Variants in DLG2 observed in about 807,000 individuals in gnomAD.
DLG2 encodes the protein disks large homolog 2.
In DLG2, 45 loss-of-function variants were observed where a neutral mutation model predicts 132.5. The ratio of observed to expected loss-of-function variants is 0.34; its 90% CI spans 0.27 to 0.44. The LOEUF (loss-of-function observed/expected upper bound fraction) is 0.44, where lower values mean the gene tolerates loss of function less well. DLG2 is among the 20% of genes least tolerant of loss of function. The pLI, the probability that DLG2 is intolerant of heterozygous loss-of-function variation, is 1.00. For missense variants in DLG2, 1,045 were observed against 1,196.9 expected (o/e 0.87, Z 1.87); for synonymous variants, 424 against 419.6 (o/e 1.01, Z -0.13).
intron 15 of DLG2, among the ~76,000 whole-genome samples, chr11:83,905,291 T>C (rs1295728192): frequency 6.6e-6 from 1 of 152,124 alleles, no homozygotes; most frequent in African/African-American, 2.4e-5. Flanking sequence ...TACATATTAG[T>C]CCAACTGTTA....
chr11:83,906,081 C>A (rs200289709), intron 15 of DLG2, among the ~76,000 whole-genome samples: 4,579 of 96,080 alleles, frequency 0.048, 76 homozygotes, highest in East Asian at 0.065. Flanking sequence ...CTCTCTCTCT[C>A]TATATATATA....
At chr11:84,639,520 G>C (rs536618918) in intron 6 of DLG2, among the ~76,000 whole-genome samples, 1 of 152,250 alleles carries the variant, frequency 6.6e-6, no homozygotes, top group South Asian at 2.1e-4. Context: ...CTCAAGCCTT[G>C]TAAATTGTAT....
rs148905899 is a variant in DLG2 at position 85,364,993 on chromosome 11, C to G, written c.41-79628G>C. On this transcript the variant is annotated intron_variant, in intron 3 of 27. Coordinates refer to ENST00000376104, the MANE Select transcript of DLG2 (RefSeq NM_001142699.3). ...TTATAGACGGGGGCAAGAAAGAATG[C>G]CAGTCATACTTTAATCTGGGACCCT... Among the ~76,000 whole-genome samples, 39 of 151,988 alleles carry G rather than the reference C, an allele frequency of 2.6e-4. 1 individual carries two copies. The East Asian group carries it at 7.3e-3, about 29-fold the overall frequency.
At chr11:85,518,539 AG>A (rs2094214356) in intron 3 of DLG2, among the ~76,000 whole-genome samples, 1 of 152,204 alleles carries the variant, frequency 6.6e-6, no homozygotes, top group Non-Finnish European at 1.5e-5. Flanking sequence ...GTGCTATTAA[AG>A]GCATTCAATT....
Position 83,629,917 on chromosome 11 carries a change from A to G in DLG2, c.1940+3294T>C, listed in dbSNP as rs554122082. On this transcript the variant is annotated intron_variant, in intron 19 of 27. Transcript: ENST00000376104. The stretch of plus-strand genomic sequence containing the variant: ...CTTTATTTACTTTTAAATGAACTAC[A>G]TGTTTCACAATGCTTTACTGCTATA... 2.6e-5 allele frequency among the ~76,000 whole-genome samples: 4 copies of G among 152,332 alleles called. No homozygotes were observed. The East Asian group carries it at 7.7e-4, about 29-fold the overall frequency.
At chr11:84,616,623 C>T (rs920668054) in intron 6 of DLG2, among the ~76,000 whole-genome samples, 25 of 152,068 alleles carry the variant, frequency 1.6e-4, no homozygotes, top group Non-Finnish European at 3.1e-4. Context: ...ATATAGTTTA[C>T]TACTACTTGT....
At chr11:84,804,179 CTTAGG>C (rs1185615913) in intron 6 of DLG2, among the ~76,000 whole-genome samples, 3 of 152,162 alleles carry the variant, frequency 2.0e-5, no homozygotes, top group Non-Finnish European at 4.4e-5. Flanking sequence ...CATGCCTGCA[CTTAGG>C]ACAAGACTGG....
intron 17 of DLG2, among the ~76,000 whole-genome samples, chr11:83,789,388 G>A (rs946143007): frequency 2.0e-5 from 3 of 150,934 alleles, no homozygotes; most frequent in African/African-American, 7.3e-5. Flanking sequence ...GGCGGGAGGG[G>A]GGGCAGCATT....
chr11:84,271,608 C>T (rs1017177373), intron 7 of DLG2, among the ~76,000 whole-genome samples: 1 of 152,118 alleles, frequency 6.6e-6, no homozygotes, highest in South Asian at 2.1e-4. Flanking sequence ...TTAGTCATTC[C>T]TCACTTGCTC....
intron 19 of DLG2, among the ~76,000 whole-genome samples, chr11:83,617,105 T>C (rs2060937381): frequency 6.6e-6 from 1 of 152,224 alleles, no homozygotes; most frequent in Non-Finnish European, 1.5e-5. Context: ...TTTCTGTGTT[T>C]TGCCTATTGT....
intron 6 of DLG2, among the ~76,000 whole-genome samples, chr11:84,885,835 T>C (rs1310764854): frequency 7.1e-6 from 1 of 140,820 alleles, no homozygotes; most frequent in Non-Finnish European, 1.6e-5. Context: ...TTTCAAATCA[T>C]TACCAGGGGA....
chr11:84,966,993 ACT>A (rs2053439306), intron 6 of DLG2, among the ~76,000 whole-genome samples: 1 of 152,104 alleles, frequency 6.6e-6, no homozygotes, highest in Non-Finnish European at 1.5e-5. Flanking sequence ...GGATGCAATA[ACT>A]CTGAGGTGAT....
At chr11:85,098,983 T>A (rs1182049744) in intron 6 of DLG2, among the ~76,000 whole-genome samples, 1 of 152,194 alleles carries the variant, frequency 6.6e-6, no homozygotes, top group African/African-American at 2.4e-5. Context: ...AGTCAGTACA[T>A]TAATCTAGGC....
intron 17 of DLG2, among the ~76,000 whole-genome samples, chr11:83,827,291 G>A (rs2053131590): frequency 1.3e-5 from 2 of 152,118 alleles, no homozygotes; most frequent in Non-Finnish European, 2.9e-5. Context: ...CCCCAAGATG[G>A]AGAATAGTCT....
intron 19 of DLG2, among the ~76,000 whole-genome samples, chr11:83,583,039 T>C (rs1306668785): frequency 6.6e-6 from 1 of 152,210 alleles, no homozygotes; most frequent in East Asian, 1.9e-4. Context: ...GCTCTAAAGC[T>C]CTTGCTCTTT....
chr11:83,557,299 A>G (rs2096537701), intron 19 of DLG2, among the ~76,000 whole-genome samples: 1 of 152,212 alleles, frequency 6.6e-6, no homozygotes, highest in African/African-American at 2.4e-5. Context: ...AAAAACAAGG[A>G]CAGTCTACTC....
chr11:83,549,658 G>T (rs898473918), intron 19 of DLG2, among the ~76,000 whole-genome samples: 4 of 152,132 alleles, frequency 2.6e-5, no homozygotes, highest in African/African-American at 9.7e-5. Context: ...GATGCTGGGA[G>T]CAGAGAGATC....
intron 22 of DLG2, among the ~76,000 whole-genome samples, 177 bp downstream of exon 22, chr11:83,483,952 G>A (rs750445156): frequency 7.9e-5 from 12 of 152,154 alleles, no homozygotes; most frequent in Non-Finnish European, 1.3e-4. Context: ...GAAGAGCCAT[G>A]TGAAAGGAGG....
At chr11:84,823,580 T>TA (rs1566061318) in intron 6 of DLG2, among the ~76,000 whole-genome samples, 5 of 94,574 alleles carry the variant, frequency 5.3e-5, no homozygotes, top group East Asian at 7.3e-4. Context: ...TGGTTGTATA[T>TA]CCACACACAC....
Sources: allele counts gnomAD v4.1 joint callset (sites outside exome capture counted in the v4.1 genomes callset), GRCh38; gene constraint gnomAD v4.1.1; transcripts MANE v1.5; gene names NCBI Gene and HGNC (gene_info 2026-07-23, HGNC 2026-07-21).